The following MAL2 variants were observed in gnomAD, a reference collection of about 807,000 sequenced individuals.
The protein encoded by MAL2 is mal, T cell differentiation protein 2.
MAL2 carries 17 observed loss-of-function variants against 18.1 expected under a neutral mutation model. That is an observed-to-expected ratio of 0.94 (90% confidence interval 0.64 to 1.41). MAL2 has a LOEUF of 1.41. Ranked by LOEUF, MAL2 falls within the 40% of genes most tolerant of loss-of-function variation. The probability of loss-of-function intolerance (pLI) is 0.00; values close to 1 mark genes in which losing one functional copy is unlikely to be tolerated. For missense variants in MAL2, 222 were observed against 231.9 expected (o/e 0.96, Z 0.28); for synonymous variants, 102 against 102.3 (o/e 1.00, Z 0.02).
chr8:119,228,312 CAAGG>C (rs1817639328), intron 2 of MAL2, among the ~76,000 whole-genome samples: 2 of 152,050 alleles, frequency 1.3e-5, no homozygotes, highest in Admixed American at 6.6e-5. Flanking sequence ...CCTTTGGGGA[CAAGG>C]ACCCCTGACC....
At chr8:119,229,528 G>T (rs1273630272) in intron 2 of MAL2, among the ~76,000 whole-genome samples, 1 of 152,018 alleles carries the variant, frequency 6.6e-6, no homozygotes, top group Non-Finnish European at 1.5e-5. Context: ...GGCTAGGCTG[G>T]TCTCAAACTC....
chr8:119,239,471 G>A (rs563134294), intron 2 of MAL2, among the ~76,000 whole-genome samples: 2 of 152,172 alleles, frequency 1.3e-5, no homozygotes, highest in Non-Finnish European at 2.9e-5. Flanking sequence ...ACATGCACAT[G>A]TATGTTTATT....
At chr8:119,218,398 G>A (rs754501765) in intron 1 of MAL2, among the ~76,000 whole-genome samples, 7 of 152,064 alleles carry the variant, frequency 4.6e-5, no homozygotes, top group Non-Finnish European at 1.0e-4. Flanking sequence ...TTACAGTATA[G>A]CCTCTGCTGT....
At chr8:119,234,669 T>C (rs79640004) in intron 2 of MAL2, among the ~76,000 whole-genome samples, 26,737 of 151,648 alleles carry the variant, frequency 0.18, 2,840 homozygotes, top group South Asian at 0.34. Context: ...CGGAACAGCC[T>C]AACTGGGAGG....
chr8:119,214,944 A>C (rs1337344810), intron 1 of MAL2, among the ~76,000 whole-genome samples: 1 of 152,204 alleles, frequency 6.6e-6, no homozygotes, highest in East Asian at 1.9e-4. Context: ...TGCCAGGGCC[A>C]GTCCAGAAGC....
At position 119,208,744 on chromosome 8, in the gene MAL2, G is replaced by T; in HGVS notation, c.132+140G>T. 8.4e-7 allele frequency: 1 copy of T among 1,190,066 alleles called. No homozygotes were observed. Among genetic ancestry groups the T allele is most frequent in the Non-Finnish European group, 1.0e-6 (1 of 954,940 alleles). 73.7% of individuals were successfully genotyped at this position (1,190,066 alleles called of 1,614,324 possible). On this transcript the variant is annotated intron_variant, in intron 1 of 3. Coordinates refer to ENST00000614891, the MANE Select transcript of MAL2 (RefSeq NM_052886.3). This position sits in a 1 kb window ranked among gnomAD's most constrained non-coding sequence, Gnocchi z 4.3. ...GGCTTTGTCCTGCGCTCCCTCCCGG[G>T]GTCCTCTCGGTGCCCCGCGCCGCCG...
At chr8:119,224,046 A>G (rs1389595966) in intron 2 of MAL2, 1 of 152,180 alleles carries the variant, frequency 6.6e-6, no homozygotes, top group Non-Finnish European at 1.5e-5. Flanking sequence ...AGGAAGCAAG[A>G]ATGCATTTTG....
intron 2 of MAL2, 128 bp from the exon 3 acceptor site, chr8:119,240,037 A>G: frequency 2.0e-6 from 2 of 1,017,560 alleles, no homozygotes; most frequent in Non-Finnish European, 1.4e-6. Context: ...GCTAAGCTTA[A>G]CAGTGAATAT....
At chr8:119,242,713 G>A (rs10101864) in intron 3 of MAL2, among the ~76,000 whole-genome samples, 13,645 of 152,164 alleles carry the variant, frequency 0.09, 914 homozygotes, top group Admixed American at 0.15. Flanking sequence ...AAGAATCCCT[G>A]TGCTAAACCC....
At chr8:119,240,028 C>G (rs1818012969) in intron 2 of MAL2, 137 bp from the exon 3 acceptor site, 6 of 939,888 alleles carry the variant, frequency 6.4e-6, no homozygotes, top group Non-Finnish European at 9.2e-6. Flanking sequence ...TCTAAAGCAG[C>G]TAAGCTTAAC....
At chr8:119,228,890 C>A (rs758842505) in intron 2 of MAL2, among the ~76,000 whole-genome samples, 14 of 152,020 alleles carry the variant, frequency 9.2e-5, no homozygotes, top group Non-Finnish European at 1.6e-4. Flanking sequence ...GTGGTTGGTC[C>A]CCTTGAGGAT....
At chr8:119,234,106 C>T (rs556310750) in intron 2 of MAL2, among the ~76,000 whole-genome samples, 20 of 152,272 alleles carry the variant, frequency 1.3e-4, no homozygotes, top group African/African-American at 3.9e-4. Flanking sequence ...GTGCGCGCAC[C>T]GTGCGCGAGC....
chr8:119,219,001 AT>A (rs1212841943), intron 1 of MAL2, among the ~76,000 whole-genome samples: 1 of 152,354 alleles, frequency 6.6e-6, no homozygotes, highest in African/African-American at 2.4e-5. Flanking sequence ...AAAAGGAAAG[AT>A]TGATCCACTG....
At chr8:119,240,116 A>T (rs1282640067) in intron 2 of MAL2, 49 bp from the exon 3 acceptor site, 5 of 1,571,162 alleles carry the variant, frequency 3.2e-6, no homozygotes, top group Non-Finnish European at 4.3e-6. Flanking sequence ...AATAAGGAAC[A>T]GAAAAATATT....
chr8:119,209,296 C>G (rs550307980), intron 1 of MAL2: 1 of 152,754 alleles, frequency 6.5e-6, no homozygotes, highest in African/African-American at 2.4e-5. Flanking sequence ...TCTTCTCTGC[C>G]TGCCTTTGCA....
intron 2 of MAL2, among the ~76,000 whole-genome samples, chr8:119,235,152 T>C (rs962162307): frequency 4.7e-4 from 72 of 152,072 alleles, no homozygotes; most frequent in African/African-American, 1.3e-3. Flanking sequence ...TCGAGAACTA[T>C]GTGAAGAATG....
chr8:119,223,371 G>T (rs913164739), intron 2 of MAL2: 2 of 152,024 alleles, frequency 1.3e-5, no homozygotes, highest in Non-Finnish European at 2.9e-5. Context: ...AACCTCTCTC[G>T]ATTTTAGTTT....
Position 119,215,922 on chromosome 8 carries a change from T to A in MAL2, c.133-5665T>A, listed in dbSNP as rs371191262. Among the ~76,000 whole-genome samples, 54 of 152,346 alleles carry A rather than the reference T, an allele frequency of 3.5e-4. 1 individual carries two copies. The South Asian group carries it at 0.011, about 31-fold the overall frequency. ...ACATCTACCAGTTATATTGTATGTGTTGGCTAAGTATGTTTCTAGTTTAAG... is the reference window on the plus strand; with the variant it reads ...ACATCTACCAGTTATATTGTATGTGATGGCTAAGTATGTTTCTAGTTTAAG... On this transcript the variant is annotated intron_variant, in intron 1 of 3. Coordinates refer to ENST00000614891, the MANE Select transcript of MAL2 (RefSeq NM_052886.3).
chr8:119,226,876 T>G (rs1234728822), intron 2 of MAL2, among the ~76,000 whole-genome samples: 3 of 152,202 alleles, frequency 2.0e-5, no homozygotes, highest in Non-Finnish European at 2.9e-5. Context: ...CAGGCTAACA[T>G]TTGAGAACCA....
Sources: allele counts gnomAD v4.1 joint callset (sites outside exome capture counted in the v4.1 genomes callset), GRCh38; gene constraint gnomAD v4.1.1; non-coding constraint Gnocchi (gnomAD v3.1); transcripts MANE v1.5; gene names NCBI Gene and HGNC (gene_info 2026-07-23, HGNC 2026-07-21).